The following WNT7A variants were observed in gnomAD, a reference collection of about 807,000 sequenced individuals.
The protein encoded by WNT7A is Wnt family member 7A, also known as protein Wnt-7a.
Under a neutral mutation model 28.2 loss-of-function variants are expected in WNT7A, and 16 were observed. The ratio of observed to expected loss-of-function variants is 0.57; its 90% CI spans 0.38 to 0.86. The LOEUF is 0.86. Among genes scored for constraint, WNT7A ranks in the 40% least tolerant of loss-of-function variants. The probability of loss-of-function intolerance (pLI) is 0.00; values close to 1 mark genes in which losing one functional copy is unlikely to be tolerated. For missense variants in WNT7A, 411 were observed against 489.7 expected (o/e 0.84, Z 1.52); for synonymous variants, 190 against 195.9 (o/e 0.97, Z 0.25).
chr3:13,862,968 G>A (rs1694854289), intron 2 of WNT7A, among the ~76,000 whole-genome samples: 2 of 152,142 alleles, frequency 1.3e-5, no homozygotes, highest in South Asian at 4.1e-4. Flanking sequence ...ATAAATCTGG[G>A]TTCACATCCT....
chr3:13,819,350 C>T lies in WNT7A; in HGVS notation c.644G>A (p.Trp215Ter). Reference sequence around the variant, plus strand: ...CTCCCGAAACTGTGGCAGTGTGGTCCAGCACGTCTTGGTGGTGCACGAGCC... The same window carrying T: ...CTCCCGAAACTGTGGCAGTGTGGTCTAGCACGTCTTGGTGGTGCACGAGCC... ...VSGSCTTKTC[W>*]TTLPQFRELG... Residue 215 changes from tryptophan to a stop codon, truncating the protein, a stop_gained, in exon 4 of 4, where the codon TGG becomes TAG. Transcript: ENST00000285018. LOFTEE classifies it low-confidence loss of function (END_TRUNC). The T allele has an allele frequency of 6.2e-7, 1 of 1,613,390 alleles. No homozygotes were observed. The highest frequency in any genetic ancestry group is 8.5e-7 in the Non-Finnish European group (1 of 1,179,628).
At chr3:13,853,731 C>A (rs759696107) in intron 3 of WNT7A, among the ~76,000 whole-genome samples, 3 of 152,234 alleles carry the variant, frequency 2.0e-5, no homozygotes, top group Non-Finnish European at 4.4e-5. Context: ...CACACTCCCA[C>A]GGGATCCATC....
chr3:13,818,795 C>A lies in WNT7A; in HGVS notation c.*149G>T. 1 of 1,236,880 alleles carries A rather than the reference C, an allele frequency of 8.1e-7. No homozygotes were observed. The highest frequency in any genetic ancestry group is 1.1e-6 in the Non-Finnish European group (1 of 923,404). 76.6% of individuals were successfully genotyped at this position (1,236,880 alleles called of 1,614,324 possible). A position where few individuals can be genotyped will look rare whatever the true frequency, so the allele number is the denominator to read the frequency against. On this transcript the variant is annotated 3_prime_UTR_variant, in exon 4 of 4. Coordinates refer to ENST00000285018, the MANE Select transcript of WNT7A (RefSeq NM_004625.4). ...GAGGGCTCTGAGAGATTTTTTTTCC[C>A]CCACGGATGCCTGCAGGAAACCCAG... is the stretch of plus-strand genomic sequence containing the variant.
intron 2 of WNT7A, among the ~76,000 whole-genome samples, chr3:13,872,612 T>C (rs1695043315): frequency 6.6e-6 from 1 of 152,200 alleles, no homozygotes; most frequent in African/African-American, 2.4e-5. Flanking sequence ...CAGCCACCTC[T>C]GCCTGCCAAG....
In WNT7A at chr3:13,817,628, C is replaced by T. The variant is rs925342900; in HGVS notation, c.*1316G>A. The T allele has an allele frequency of 2.0e-5, 3 of 152,370 alleles. No homozygotes were observed. The highest frequency in any genetic ancestry group is 2.9e-5 in the Non-Finnish European group (2 of 68,224). 9.4% of individuals were successfully genotyped at this position (152,370 alleles called of 1,614,324 possible). A position where few individuals can be genotyped will look rare whatever the true frequency, so the allele number is the denominator to read the frequency against. On this transcript the variant is annotated 3_prime_UTR_variant, in exon 4 of 4. Transcript: ENST00000285018. ...TGGGAGCAGGATATCCAGGAAGCCC[C>T]GCTGGGCCCGGCTGCTCATCGGCCC...
intron 1 of WNT7A, chr3:13,877,300 G>A (rs1428466250): frequency 6.6e-6 from 1 of 152,322 alleles, no homozygotes; most frequent in Non-Finnish European, 1.5e-5. Flanking sequence ...GGGACCTGGA[G>A]GAAGGTTCTC....
At chr3:13,830,365 G>T (rs1335678182) in intron 3 of WNT7A, among the ~76,000 whole-genome samples, 1 of 152,156 alleles carries the variant, frequency 6.6e-6, no homozygotes, top group African/African-American at 2.4e-5. Flanking sequence ...TGAGGCAGGA[G>T]ATGGTCACCA....
chr3:13,848,187 C>T (rs1694571254), intron 3 of WNT7A, among the ~76,000 whole-genome samples: 1 of 151,906 alleles, frequency 6.6e-6, no homozygotes, highest in African/African-American at 2.4e-5. Flanking sequence ...AAGGTACAGT[C>T]CATTCAAAGA....
Position 13,868,810 on chromosome 3 carries a change from AAGAG to A in WNT7A, c.298+6133_298+6136del, listed in dbSNP as rs759704550. On this transcript the variant is annotated intron_variant, in intron 2 of 3. Transcript: ENST00000285018. The stretch of plus-strand genomic sequence containing the variant: ...GAAGGAAGGGAGAGAGAGAGAAAGA[AAGAG>A]AGAGAGAGAGAAAGAGAGAAAGAGA... Among the ~76,000 whole-genome samples the A allele has an allele frequency of 1.3e-4, 6 of 45,536 alleles. 2 individuals are homozygous for A. Among genetic ancestry groups the A allele is most frequent in the Non-Finnish European group, 3.4e-4 (6 of 17,480 alleles). 29.9% of individuals were successfully genotyped at this position (45,536 alleles called of 152,430 possible).
chr3:13,857,300 A>G lies in WNT7A; in HGVS notation c.299-2497T>C, dbSNP rs564418344. ...CTGCCAAGGAGGGAGCTTTGGAATT[A>G]AGCCCATGAGGTGTCAGGAGACCAG... On this transcript the variant is annotated intron_variant, in intron 2 of 3. Coordinates refer to ENST00000285018, the MANE Select transcript of WNT7A (RefSeq NM_004625.4). 3.9e-5 allele frequency among the ~76,000 whole-genome samples: 6 copies of G among 152,316 alleles called. No homozygotes were observed. In the East Asian group the frequency reaches 1.2e-3, roughly 29 times the overall value.
In WNT7A at chr3:13,862,539, C is replaced by T. The variant is rs371564751; in HGVS notation, c.299-7736G>A. Among the ~76,000 whole-genome samples the T allele has an allele frequency of 1.3e-4, 20 of 152,330 alleles. No homozygotes were observed. In the East Asian group the frequency reaches 2.3e-3, roughly 18 times the overall value. On this transcript the variant is annotated intron_variant, in intron 2 of 3. Transcript: ENST00000285018. ...AAAATATACAGATGGAAAAAGGTTG[C>T]GCTTGCCAGCCCCGTGGCATGGCAG...
chr3:13,856,963 A>AAGAAGAAGG (rs1559303383), intron 2 of WNT7A, among the ~76,000 whole-genome samples: 2 of 115,304 alleles, frequency 1.7e-5, no homozygotes, highest in Admixed American at 8.8e-5. Context: ...GAAGAAGAAG[A>AAGAAGAAGG]AGAAGGAGAA....
chr3:13,877,826 AT>A (rs1695132009), intron 1 of WNT7A, among the ~76,000 whole-genome samples: 2 of 152,218 alleles, frequency 1.3e-5, no homozygotes, highest in South Asian at 4.1e-4. Context: ...ATCGGATCTG[AT>A]TGTTGCAATA....
chr3:13,819,658 G>A (rs1192069136), intron 3 of WNT7A, among the ~76,000 whole-genome samples: 2 of 152,212 alleles, frequency 1.3e-5, no homozygotes, highest in Non-Finnish European at 2.9e-5. Context: ...GTAGAAGGGG[G>A]ATAACGATAG....
In WNT7A at chr3:13,856,987, GAGA is replaced by G. The variant is rs111694534; in HGVS notation, c.299-2187_299-2185del. 1.5e-3 allele frequency among the ~76,000 whole-genome samples: 109 copies of G among 71,628 alleles called. 2 individuals carry two copies. The highest frequency in any genetic ancestry group is 2.4e-3 in the Non-Finnish European group (93 of 39,024). The allele number at this position is 71,628 out of a possible 152,430, so 47.0% of individuals were successfully genotyped here. On this transcript the variant is annotated intron_variant, in intron 2 of 3. Coordinates refer to ENST00000285018, the MANE Select transcript of WNT7A (RefSeq NM_004625.4). ...GAAGAAGGAGAAGAAGAAGAAGAAGGAGAAGAAGAAGAAGAAGAAGGAAGAAAA... is the reference window on the plus strand; with the variant it reads ...GAAGAAGGAGAAGAAGAAGAAGAAGGAGAAGAAGAAGAAGAAGGAAGAAAA...
At chr3:13,874,773 C>T (rs911831653) in intron 2 of WNT7A, among the ~76,000 whole-genome samples, 174 bp downstream of exon 2, 2 of 152,104 alleles carry the variant, frequency 1.3e-5, no homozygotes, top group African/African-American at 4.8e-5. Context: ...ATGGATTCAA[C>T]CAGAGACCTG....
At position 13,879,944 on chromosome 3, in the gene WNT7A, C is replaced by A; in HGVS notation, c.-128G>T. On this transcript the variant is annotated 5_prime_UTR_variant, in exon 1 of 4. Transcript: ENST00000285018. Reference sequence around the variant, plus strand: ...GCGTCCCCGGGGCCGTCTGTCGGTGCGCCCGTCCGCGCGCTCCGCGCCTGA... The same window carrying A: ...GCGTCCCCGGGGCCGTCTGTCGGTGAGCCCGTCCGCGCGCTCCGCGCCTGA... The A allele has an allele frequency of 1.6e-6, 1 of 622,252 alleles. No individual in the cohort carries two copies. 38.5% of individuals were successfully genotyped at this position (622,252 alleles called of 1,614,324 possible).
chr3:13,818,848 C>T lies in WNT7A; in HGVS notation c.*96G>A. 6.8e-7 allele frequency: 1 copy of T among 1,470,318 alleles called. No individual in the cohort carries two copies. The highest frequency in any genetic ancestry group is 1.4e-5 in the South Asian group (1 of 69,812). The allele number at this position is 1,470,318 out of a possible 1,614,324, so 91.1% of individuals were successfully genotyped here. A position where few individuals can be genotyped will look rare whatever the true frequency, so the allele number is the denominator to read the frequency against. On this transcript the variant is annotated 3_prime_UTR_variant, in exon 4 of 4. Coordinates refer to ENST00000285018, the MANE Select transcript of WNT7A (RefSeq NM_004625.4). ...AAAGTACCCTCCTCAGCAGAAAAGA[C>T]AAGCTCAGCATCCTGCCAGGGAGCC...
intron 3 of WNT7A, among the ~76,000 whole-genome samples, chr3:13,836,350 G>A (rs149625511): frequency 9.8e-5 from 15 of 152,334 alleles, no homozygotes; most frequent in African/African-American, 3.6e-4. Context: ...GATGGGCACA[G>A]CAGCATCCGC....
Sources: gnomAD v4.1 joint callset for allele counts (sites outside exome capture counted in the v4.1 genomes callset) on GRCh38, gnomAD v4.1.1 for gene constraint, MANE v1.5 for transcripts, NCBI Gene and HGNC (gene_info 2026-07-23, HGNC 2026-07-21) for gene names.